The following DNAH11 variants were observed in gnomAD, a reference collection of about 807,000 sequenced individuals.
DNAH11 encodes the protein dynein axonemal heavy chain 11.
A neutral mutation model predicts 526.0 loss-of-function variants in DNAH11; 442 were observed. That is an observed-to-expected ratio of 0.84 (90% CI 0.78 to 0.91). The LOEUF is 0.91. Among genes scored for constraint, DNAH11 ranks in the 40% least tolerant of loss-of-function variants. DNAH11 has a pLI of 0.00. For missense variants in DNAH11, 6,989 were observed against 5,448.7 expected (o/e 1.28, Z -8.90); for synonymous variants, 2,461 against 1,935.9 (o/e 1.27, Z -7.12).
At position 21,616,293 on chromosome 7, in the gene DNAH11, G is replaced by A; in HGVS notation, c.4095+1G>A. ...TGTAGAACTCAGAAGGTTTGCCAAG[G>A]CGAGTTCCATAACTGTCTATTACAA... On this transcript the variant is annotated splice_donor_variant, in intron 22 of 81. Transcript: ENST00000409508. LOFTEE classifies it high-confidence loss of function. The A allele has an allele frequency of 6.2e-7, 1 of 1,610,528 alleles. No homozygotes were observed. The highest frequency in any genetic ancestry group is 1.7e-5 in the Admixed American group (1 of 59,788).
intron 30 of DNAH11, among the ~76,000 whole-genome samples, chr7:21,675,662 C>T (rs538112809): frequency 2.6e-5 from 4 of 152,206 alleles, no homozygotes; most frequent in South Asian, 2.1e-4. Flanking sequence ...TGCTGTCGTT[C>T]GTTTGTTCAT....
chr7:21,871,109 A>G (rs979958279), intron 73 of DNAH11, among the ~76,000 whole-genome samples: 1 of 152,246 alleles, frequency 6.6e-6, no homozygotes, highest in Non-Finnish European at 1.5e-5. Context: ...ATCAATTATT[A>G]TGATTAGATA....
intron 44 of DNAH11, among the ~76,000 whole-genome samples, chr7:21,724,127 G>A (rs1352293389): frequency 6.6e-6 from 1 of 152,172 alleles, no homozygotes; most frequent in African/African-American, 2.4e-5. Flanking sequence ...ATATGTAGTG[G>A]TTAGGTGAAG....
In DNAH11 at chr7:21,707,428, T is replaced by G. The variant is rs374125756; in HGVS notation, c.6547-271T>G. Among the ~76,000 whole-genome samples the G allele has an allele frequency of 2.0e-5, 3 of 152,244 alleles. No homozygotes were observed. The South Asian group carries it at 6.2e-4, about 32-fold the overall frequency. Reference sequence around the variant, plus strand: ...TGGTCCTCCACTTTGTACACATGATTAAAAATCTCAAGTGAGAAAGTGACT... The same window carrying G: ...TGGTCCTCCACTTTGTACACATGATGAAAAATCTCAAGTGAGAAAGTGACT... On this transcript the variant is annotated intron_variant, in intron 39 of 81. Transcript: ENST00000409508.
chr7:21,595,318 C>A (rs1784823972), intron 14 of DNAH11, among the ~76,000 whole-genome samples: 1 of 152,188 alleles, frequency 6.6e-6, no homozygotes, highest in East Asian at 1.9e-4. Flanking sequence ...AATACCATCC[C>A]CTTGGGGGTT....
At chr7:21,884,205 G>A in intron 75 of DNAH11, 86 bp from the exon 76 acceptor site, 1 of 1,293,278 alleles carries the variant, frequency 7.7e-7, no homozygotes, top group Non-Finnish European at 1.0e-6. Context: ...GGAGGGCATT[G>A]TGTTAGAGGG....
chr7:21,556,625 G>A (rs538828058), intron 2 of DNAH11, among the ~76,000 whole-genome samples: 35 of 152,220 alleles, frequency 2.3e-4, no homozygotes, highest in African/African-American at 8.2e-4. Context: ...TGTTACCCAG[G>A]TAATCAGCAT....
chr7:21,636,874 A>G (rs1288720051), intron 26 of DNAH11, among the ~76,000 whole-genome samples: 1 of 152,194 alleles, frequency 6.6e-6, no homozygotes, highest in Non-Finnish European at 1.5e-5. Flanking sequence ...GAAGTAAAAG[A>G]CTGAGAAAGG....
Position 21,588,591 on chromosome 7 carries a change from A to G in DNAH11, c.1928A>G (p.Gln643Arg), listed in dbSNP as rs1193934343. 6.2e-7 allele frequency: 1 copy of G among 1,613,756 alleles called. No homozygotes were observed. The highest frequency in any genetic ancestry group is 8.5e-7 in the Non-Finnish European group (1 of 1,179,662). The change falls in exon 11 of 82, where the codon CAA (glutamine) becomes CGA (arginine). Residue 643 changes from glutamine to arginine, a missense_variant. Physicochemically the swap from Gln to Arg is conservative, Grantham distance 43. Coordinates refer to ENST00000409508, the MANE Select transcript of DNAH11 (RefSeq NM_001277115.2). The part of the protein sequence containing the change: ...GNMKWAQQVL[Q>R]RLQMFWSNFA... ...ATGAAATGGGCCCAGCAGGTTCTCC[A>G]ACGACTTCAAATGTTTTGGTCAAAC...
chr7:21,686,846 A>G (rs1783396387), intron 32 of DNAH11, among the ~76,000 whole-genome samples: 1 of 152,244 alleles, frequency 6.6e-6, no homozygotes, highest in African/African-American at 2.4e-5. Flanking sequence ...TCAAATACAC[A>G]GCTCTTAGGA....
intron 74 of DNAH11, among the ~76,000 whole-genome samples, chr7:21,875,642 C>T (rs939432582): frequency 6.6e-6 from 1 of 152,104 alleles, no homozygotes; most frequent in Non-Finnish European, 1.5e-5. Flanking sequence ...GCCTGGGCAA[C>T]AGAGCGAGAC....
At chr7:21,851,817 G>A (rs891007001) in intron 66 of DNAH11, among the ~76,000 whole-genome samples, 5 of 152,092 alleles carry the variant, frequency 3.3e-5, no homozygotes, top group African/African-American at 1.2e-4. Context: ...AAGAATTGTT[G>A]ATGAGTTTTT....
At position 21,877,683 on chromosome 7, in the gene DNAH11, G is replaced by T. The variant is rs190718855; in HGVS notation, c.12196-3019G>T. Among the ~76,000 whole-genome samples, 710 of 152,032 alleles carry T rather than the reference G, an allele frequency of 4.7e-3. 5 individuals carry two copies. Among genetic ancestry groups the T allele is most frequent in the African/African-American group, 0.016 (672 of 41,478 alleles). ...GAGGTCAGGAGATTGAGATCATCCT[G>T]GCTAAAAAGGTGAAACCCCATCTCT... On this transcript the variant is annotated intron_variant, in intron 74 of 81. Coordinates refer to ENST00000409508, the MANE Select transcript of DNAH11 (RefSeq NM_001277115.2).
intron 9 of DNAH11, 74 bp downstream of exon 9, chr7:21,582,095 T>A: frequency 1.1e-6 from 1 of 936,264 alleles, no homozygotes; most frequent in Non-Finnish European, 1.7e-6. Context: ...AGGGGTGAAT[T>A]CTCATTCAGG....
chr7:21,843,158 G>C (rs1782279799), intron 66 of DNAH11, among the ~76,000 whole-genome samples: 1 of 152,164 alleles, frequency 6.6e-6, no homozygotes, highest in Non-Finnish European at 1.5e-5. Context: ...GGACATTCAT[G>C]GCCTTAAGTA....
chr7:21,695,404 C>G (rs1181250725), intron 35 of DNAH11, among the ~76,000 whole-genome samples: 2 of 152,144 alleles, frequency 1.3e-5, no homozygotes, highest in Non-Finnish European at 2.9e-5. Context: ...ATGTATAGAC[C>G]AATGGAACAG....
chr7:21,748,253 G>A (rs1786240424), intron 51 of DNAH11, among the ~76,000 whole-genome samples: 1 of 152,188 alleles, frequency 6.6e-6, no homozygotes, highest in African/African-American at 2.4e-5. Flanking sequence ...GGAGGCCAAG[G>A]CGGGTGGATC....
At chr7:21,590,789 G>T in intron 12 of DNAH11, 129 bp from the exon 13 acceptor site, 1 of 566,866 alleles carries the variant, frequency 1.8e-6, no homozygotes, top group Non-Finnish European at 2.7e-6. Context: ...TGAAACAAAA[G>T]TCTATTTACC....
intron 22 of DNAH11, among the ~76,000 whole-genome samples, chr7:21,616,847 A>G (rs1044078131): frequency 1.3e-5 from 2 of 152,140 alleles, no homozygotes; most frequent in African/African-American, 4.8e-5. Flanking sequence ...CCCTCTGAAG[A>G]CAGAGCATCT....
Sources: allele counts gnomAD v4.1 joint callset (sites outside exome capture counted in the v4.1 genomes callset), GRCh38; gene constraint gnomAD v4.1.1; transcripts MANE v1.5; gene names NCBI Gene and HGNC (gene_info 2026-07-23, HGNC 2026-07-21).